The following CACNA2D3 variants were observed in gnomAD, a reference collection of about 807,000 sequenced individuals.
CACNA2D3 encodes the protein voltage-dependent calcium channel subunit alpha-2/delta-3.
A neutral mutation model predicts 160.6 loss-of-function variants in CACNA2D3; 60 were observed. That is an observed-to-expected ratio of 0.37 (90% CI 0.30 to 0.46). The LOEUF is 0.46. Among genes scored for constraint, CACNA2D3 ranks in the 20% least tolerant of loss-of-function variants. CACNA2D3 has a pLI of 1.00. For missense variants in CACNA2D3, 1,205 were observed against 1,365.0 expected, an observed-to-expected ratio of 0.88 and a Z score of 1.85; for synonymous variants, 558 against 492.9, an observed-to-expected ratio of 1.13 and a Z score of -1.75.
At chr3:54,814,795 C>T (rs1459486003) in intron 13 of CACNA2D3, among the ~76,000 whole-genome samples, 1 of 152,084 alleles carries the variant, frequency 6.6e-6, no homozygotes, top group Non-Finnish European at 1.5e-5. Flanking sequence ...GAGGTGTTTC[C>T]TGCTCAACAA....
chr3:54,264,206 G>A (rs1232917073), intron 2 of CACNA2D3, among the ~76,000 whole-genome samples: 1 of 152,112 alleles, frequency 6.6e-6, no homozygotes, highest in African/African-American at 2.4e-5. Context: ...AAAGATTGCA[G>A]CCCAGCATTT....
At chr3:54,958,332 G>A (rs1205760028) in intron 27 of CACNA2D3, among the ~76,000 whole-genome samples, 1 of 152,170 alleles carries the variant, frequency 6.6e-6, no homozygotes, top group Non-Finnish European at 1.5e-5. Context: ...GTTGGAGGCT[G>A]CAGTGAGCTA....
chr3:54,375,262 G>T (rs1217621038), intron 3 of CACNA2D3, among the ~76,000 whole-genome samples: 1 of 152,124 alleles, frequency 6.6e-6, no homozygotes, highest in African/African-American at 2.4e-5. Context: ...TCCCATCCTG[G>T]ACTCTAATGT....
chr3:54,176,502 T>C (rs73844327), intron 2 of CACNA2D3, among the ~76,000 whole-genome samples: 6,210 of 152,306 alleles, frequency 0.041, 418 homozygotes, highest in African/African-American at 0.14. Context: ...TATAATGTTT[T>C]AATTCACGTG....
intron 23 of CACNA2D3, among the ~76,000 whole-genome samples, chr3:54,886,608 T>C (rs1339444035): frequency 6.6e-6 from 1 of 152,182 alleles, no homozygotes; most frequent in African/African-American, 2.4e-5. Context: ...ACCTTCTGTA[T>C]TTGTTCATTA....
At chr3:54,883,818 T>TCTCTCC (rs1699861900) in intron 21 of CACNA2D3, among the ~76,000 whole-genome samples, 1 of 142,886 alleles carries the variant, frequency 7.0e-6, no homozygotes, top group Non-Finnish European at 1.5e-5. Context: ...TCTCTCTCTC[T>TCTCTCC]CTCTCCTCTC....
chr3:54,422,912 T>C (rs1699860148), intron 4 of CACNA2D3, among the ~76,000 whole-genome samples: 1 of 152,162 alleles, frequency 6.6e-6, no homozygotes, highest in African/African-American at 2.4e-5. Context: ...TTTGCCTGTG[T>C]GGGAAAAGCT....
intron 31 of CACNA2D3, among the ~76,000 whole-genome samples, chr3:54,999,229 A>G (rs2107129377): frequency 6.6e-6 from 1 of 152,266 alleles, no homozygotes; most frequent in Non-Finnish European, 1.5e-5. Context: ...AAGGGAGAGC[A>G]CATTTTGAAT....
At chr3:54,651,847 G>A (rs1183922573) in intron 11 of CACNA2D3, among the ~76,000 whole-genome samples, 2 of 152,188 alleles carry the variant, frequency 1.3e-5, no homozygotes, top group Non-Finnish European at 2.9e-5. Flanking sequence ...TGTGGGGCAT[G>A]TGCCATTCTG....
intron 4 of CACNA2D3, among the ~76,000 whole-genome samples, chr3:54,400,860 G>A (rs1699447908): frequency 6.6e-6 from 1 of 152,106 alleles, no homozygotes; most frequent in South Asian, 2.1e-4. Context: ...ACAGGACATT[G>A]CCAAAGTAAC....
chr3:54,912,998 A>G (rs551708398), intron 27 of CACNA2D3, among the ~76,000 whole-genome samples: 1 of 152,286 alleles, frequency 6.6e-6, no homozygotes, highest in African/African-American at 2.4e-5. Context: ...TGGAAGGCAT[A>G]TCAGCATAGG....
chr3:54,533,332 CTTTTTTT>C (rs60076440), intron 5 of CACNA2D3, among the ~76,000 whole-genome samples: 5 of 97,306 alleles, frequency 5.1e-5, no homozygotes, highest in Admixed American at 1.2e-4. Context: ...CTTTTCTTTC[CTTTTTTT>C]TTTTTTTTTT....
intron 2 of CACNA2D3, among the ~76,000 whole-genome samples, chr3:54,235,759 A>G (rs4420909): frequency 0.5 from 76,373 of 151,742 alleles, 19,530 homozygotes; most frequent in South Asian, 0.56. Flanking sequence ...CAATATGTAT[A>G]AATAGGGGGG....
intron 16 of CACNA2D3, among the ~76,000 whole-genome samples, chr3:54,840,078 T>C (rs1698786426): frequency 6.6e-6 from 1 of 152,112 alleles, no homozygotes; most frequent in Admixed American, 6.5e-5. Context: ...AGAAAAGGCA[T>C]CCCACCTGTA....
chr3:54,351,703 C>T (rs1698567985), intron 3 of CACNA2D3, among the ~76,000 whole-genome samples: 1 of 152,216 alleles, frequency 6.6e-6, no homozygotes, highest in Non-Finnish European at 1.5e-5. Flanking sequence ...CTTGGAACCT[C>T]TGCCCTAGCC....
rs2107181524 is a variant in CACNA2D3 at position 55,034,152 on chromosome 3, G to A, written c.2987+15835G>A. 1.3e-5 allele frequency among the ~76,000 whole-genome samples: 2 copies of A among 151,772 alleles called. 1 individual carries two copies. The highest frequency in any genetic ancestry group is 4.8e-5 in the African/African-American group (2 of 41,478). ...GAAAAAAAATGCACTCTGGAGATGT[G>A]AAACCAAACTCTTCTTCTACCAATT... On this transcript the variant is annotated intron_variant, in intron 35 of 37. Transcript: ENST00000474759.
chr3:55,013,833 T>A (rs1024431686), intron 34 of CACNA2D3, among the ~76,000 whole-genome samples: 8 of 152,180 alleles, frequency 5.3e-5, no homozygotes, highest in African/African-American at 1.9e-4. Context: ...GCAAATCTAT[T>A]CAATCCCAAT....
intron 34 of CACNA2D3, among the ~76,000 whole-genome samples, chr3:55,010,195 G>A (rs112892369): frequency 0.017 from 2,572 of 152,148 alleles, 61 homozygotes; most frequent in African/African-American, 0.058. Flanking sequence ...GAGTACACAT[G>A]GACACAAAGA....
intron 27 of CACNA2D3, among the ~76,000 whole-genome samples, chr3:54,944,798 T>G (rs1047301965): frequency 6.8e-6 from 1 of 147,750 alleles, no homozygotes; most frequent in African/African-American, 2.6e-5. Context: ...ATATATTGAC[T>G]GTAGTTAGAG....
Sources: allele counts gnomAD v4.1 joint callset (sites outside exome capture counted in the v4.1 genomes callset), GRCh38; gene constraint gnomAD v4.1.1; transcripts MANE v1.5; gene names NCBI Gene and HGNC (gene_info 2026-07-23, HGNC 2026-07-21).